JMJD1C: variants seen among roughly 807,000 people sequenced by gnomAD.
JMJD1C encodes the protein jumonji domain-containing protein 1C.
JMJD1C carries 31 observed loss-of-function variants against 245.3 expected under a neutral mutation model. The ratio of observed to expected loss-of-function variants is 0.13; its 90% confidence interval spans 0.09 to 0.17. The LOEUF (loss-of-function observed/expected upper bound fraction) is 0.17, where lower values mean the gene tolerates loss of function less well. Among genes scored for constraint, JMJD1C ranks in the 10% least tolerant of loss-of-function variants. JMJD1C has a pLI of 1.00. For missense variants in JMJD1C, 2,691 were observed against 3,000.2 expected (o/e 0.90, Z 2.41); for synonymous variants, 1,057 against 1,017.4 (o/e 1.04, Z -0.74).
intron 18 of JMJD1C, 33 bp from the exon 19 acceptor site, chr10:63,186,416 G>C (rs753779974): frequency 6.6e-7 from 1 of 1,503,950 alleles, no homozygotes; most frequent in Non-Finnish European, 9.0e-7. Context: ...ACAGTTAAAA[G>C]ATATATAGAC....
intron 1 of JMJD1C, among the ~76,000 whole-genome samples, chr10:63,505,728 T>C (rs1164990756): frequency 6.6e-6 from 1 of 151,786 alleles, no homozygotes; most frequent in African/African-American, 2.4e-5. Flanking sequence ...AATTTCAAGA[T>C]AAATAGTGTA....
chr10:63,255,422 G>C (rs1301667901), intron 3 of JMJD1C, among the ~76,000 whole-genome samples: 1 of 152,184 alleles, frequency 6.6e-6, no homozygotes, highest in Non-Finnish European at 1.5e-5. Flanking sequence ...AGTGTTATGA[G>C]AAGCAGTATC....
chr10:63,214,718 G>C lies in JMJD1C; in HGVS notation c.1449C>G (p.Cys483Trp). 1 of 1,613,838 alleles carries C rather than the reference G, an allele frequency of 6.2e-7. No homozygotes were observed. Among genetic ancestry groups the C allele is most frequent in the Non-Finnish European group, 8.5e-7 (1 of 1,179,872 alleles). ...HNSNDLLPQE[C>W]NMDKTHTMEL... is the part of the protein sequence containing the mutation. ...CCATGGTATGTGTTTTATCCATATT[G>C]CATTCCTGAGGAAGTAAATCATTAG... is the stretch of plus-strand genomic sequence containing the variant. The change falls in exon 8 of 26, where the codon TGC (cysteine) becomes TGG (tryptophan). Residue 483 changes from cysteine to tryptophan, a missense_variant. Cys to Trp is a radical substitution (Grantham distance 215). Coordinates refer to ENST00000399262, the MANE Select transcript of JMJD1C (RefSeq NM_032776.3).
intron 1 of JMJD1C, among the ~76,000 whole-genome samples, chr10:63,399,217 T>C (rs537396521): frequency 1.3e-5 from 2 of 152,220 alleles, no homozygotes; most frequent in Non-Finnish European, 2.9e-5. Flanking sequence ...ATCTTCAAGG[T>C]AGCTCCTAAG....
At chr10:63,510,912 G>T (rs7083823) in intron 1 of JMJD1C, among the ~76,000 whole-genome samples, 2 of 152,130 alleles carry the variant, frequency 1.3e-5, no homozygotes, top group East Asian at 1.9e-4. Flanking sequence ...GTATCTTCTT[G>T]GATTACTTAC....
chr10:63,402,747 A>C (rs1188268492), intron 1 of JMJD1C, among the ~76,000 whole-genome samples: 1 of 152,170 alleles, frequency 6.6e-6, no homozygotes, highest in Non-Finnish European at 1.5e-5. Flanking sequence ...TAGCAGTTTA[A>C]TGGGTATATT....
intron 3 of JMJD1C, among the ~76,000 whole-genome samples, chr10:63,258,217 G>C (rs930904314): frequency 2.6e-5 from 4 of 152,276 alleles, no homozygotes; most frequent in African/African-American, 7.2e-5. Flanking sequence ...CATTTATTCA[G>C]AGCAGCTGAG....
chr10:63,364,354 T>C (rs1467152680), intron 2 of JMJD1C, among the ~76,000 whole-genome samples: 1 of 152,248 alleles, frequency 6.6e-6, no homozygotes, highest in Admixed American at 6.5e-5. Flanking sequence ...CAGTTTTCTT[T>C]AATCCTGTTA....
At chr10:63,324,988 G>A (rs756449542) in intron 2 of JMJD1C, among the ~76,000 whole-genome samples, 3 of 151,998 alleles carry the variant, frequency 2.0e-5, no homozygotes, top group Non-Finnish European at 4.4e-5. Flanking sequence ...CATCATAGGT[G>A]GCCTTTATTC....
chr10:63,331,325 T>G (rs2134167349), intron 2 of JMJD1C, among the ~76,000 whole-genome samples: 1 of 152,314 alleles, frequency 6.6e-6, no homozygotes, highest in East Asian at 1.9e-4. Flanking sequence ...TTACTTACTT[T>G]TTTCCTATCA....
At chr10:63,222,997 A>G in intron 3 of JMJD1C, 2 of 1,402,018 alleles carry the variant, frequency 1.4e-6, no homozygotes, top group Non-Finnish European at 2.0e-6. Context: ...CACTGGAATC[A>G]GCCAATACAC....
At chr10:63,277,367 A>G (rs984869791) in intron 2 of JMJD1C, among the ~76,000 whole-genome samples, 18 of 151,858 alleles carry the variant, frequency 1.2e-4, no homozygotes, top group Non-Finnish European at 2.2e-4. Context: ...GAGGAAATAC[A>G]TGATGAATAA....
chr10:63,479,171 T>G (rs779177344), intron 1 of JMJD1C, among the ~76,000 whole-genome samples: 1 of 151,978 alleles, frequency 6.6e-6, no homozygotes, highest in African/African-American at 2.4e-5. Context: ...GCTTTTTGTT[T>G]CAAAAATTTT....
intron 1 of JMJD1C, among the ~76,000 whole-genome samples, chr10:63,496,588 A>T (rs1423483679): frequency 6.6e-6 from 1 of 152,166 alleles, no homozygotes; most frequent in African/African-American, 2.4e-5. Flanking sequence ...ATGCCACTTG[A>T]GTCTTCTTCA....
At chr10:63,184,836 C>T in intron 20 of JMJD1C, 98 bp from the exon 21 acceptor site, 1 of 1,131,020 alleles carries the variant, frequency 8.8e-7, no homozygotes. Flanking sequence ...AGCAGACTAC[C>T]TTTCCATAAG....
At chr10:63,206,484 C>T (rs1464886089) in intron 10 of JMJD1C, 111 bp downstream of exon 10, 9 of 755,312 alleles carry the variant, frequency 1.2e-5, no homozygotes, top group Non-Finnish European at 8.4e-6. Flanking sequence ...CTAAGGCACG[C>T]AAATGAAGAC....
intron 1 of JMJD1C, among the ~76,000 whole-genome samples, chr10:63,434,173 T>C (rs997695873): frequency 6.6e-6 from 1 of 152,196 alleles, no homozygotes; most frequent in Non-Finnish European, 1.5e-5. Context: ...TTTATTTAAA[T>C]TTTAATAACA....
chr10:63,171,629 A>G (rs908902081), intron 24 of JMJD1C, among the ~76,000 whole-genome samples: 4 of 152,224 alleles, frequency 2.6e-5, no homozygotes, highest in African/African-American at 4.8e-5. Flanking sequence ...GTCCCTGAAC[A>G]GTAAAATCAG....
Position 63,189,306 on chromosome 10 carries a change from T to G in JMJD1C, c.6432A>C (p.Ile2144=). 1 of 1,613,888 alleles carries G rather than the reference T, an allele frequency of 6.2e-7. No individual in the cohort carries two copies. Among genetic ancestry groups the G allele is most frequent in the Non-Finnish European group, 8.5e-7 (1 of 1,179,866 alleles). ...ELKEEPEESI[I]SAVDENNKLY... is the part of the protein sequence containing the mutation. ...ATTTATTATTTTCATCCACTGCAGA[T>G]ATTATGCTTTCTTCAGGCTCTTCTT... is the stretch of plus-strand genomic sequence containing the variant. The change falls in exon 18 of 26, where the codon ATA becomes ATC. Residue 2144 remains isoleucine (I), a synonymous_variant. Coordinates refer to ENST00000399262, the MANE Select transcript of JMJD1C (RefSeq NM_032776.3).
Sources: allele counts gnomAD v4.1 joint callset (sites outside exome capture counted in the v4.1 genomes callset), GRCh38; gene constraint gnomAD v4.1.1; transcripts MANE v1.5; gene names NCBI Gene and HGNC (gene_info 2026-07-23, HGNC 2026-07-21).